The following CLEC17A variants were observed in gnomAD, a reference collection of about 807,000 sequenced individuals.
CLEC17A encodes the protein C-type lectin domain containing 17A.
A neutral mutation model predicts 61.3 loss-of-function variants in CLEC17A; 37 were observed. That is an observed-to-expected ratio of 0.60 (90% CI 0.46 to 0.79). CLEC17A has a LOEUF of 0.79. Ranked by LOEUF, CLEC17A falls within the 30% of genes least tolerant of loss-of-function variation. CLEC17A has a pLI of 0.00. For missense variants in CLEC17A, 418 were observed against 464.7 expected, an observed-to-expected ratio of 0.90 and a Z score of 0.92; for synonymous variants, 168 against 164.9, an observed-to-expected ratio of 1.02 and a Z score of -0.14.
intron 10 of CLEC17A, 66 bp downstream of exon 10, chr19:14,597,227 C>T (rs1329914723): frequency 2.0e-5 from 28 of 1,422,564 alleles, no homozygotes; most frequent in Non-Finnish European, 2.2e-5. Context: ...TCAGATCCAA[C>T]TCCAAGATCC....
intron 12 of CLEC17A, among the ~76,000 whole-genome samples, 175 bp downstream of exon 12, chr19:14,600,357 G>A (rs1326448312): frequency 1.3e-5 from 2 of 152,198 alleles, no homozygotes; most frequent in Non-Finnish European, 2.9e-5. Flanking sequence ...AAGAAGACAT[G>A]CTTTGTTTTT....
At chr19:14,604,433 A>G (rs1158118579) in intron 12 of CLEC17A, among the ~76,000 whole-genome samples, 1 of 152,104 alleles carries the variant, frequency 6.6e-6, no homozygotes, top group East Asian at 1.9e-4. Context: ...ATAACGACAG[A>G]AATATTTTCT....
At chr19:14,608,873 C>T (rs1599584602) in intron 13 of CLEC17A, among the ~76,000 whole-genome samples, 2 of 150,430 alleles carry the variant, frequency 1.3e-5, no homozygotes, top group African/African-American at 4.9e-5. Context: ...AATCTTGGCT[C>T]ACTGCAACTT....
At chr19:14,587,438 C>T (rs943247242) in intron 2 of CLEC17A, among the ~76,000 whole-genome samples, 176 bp from the exon 3 acceptor site, 3 of 152,158 alleles carry the variant, frequency 2.0e-5, no homozygotes, top group Non-Finnish European at 2.9e-5. Context: ...TGTATTCTAT[C>T]TCTGGGTGTC....
intron 10 of CLEC17A, among the ~76,000 whole-genome samples, chr19:14,597,412 T>C (rs1020973670): frequency 6.6e-6 from 1 of 152,192 alleles, no homozygotes; most frequent in African/African-American, 2.4e-5. Flanking sequence ...ACACTTGAAA[T>C]GTGGCCAGTC....
intron 13 of CLEC17A, among the ~76,000 whole-genome samples, chr19:14,607,891 G>A (rs1174785578): frequency 2.0e-5 from 3 of 151,692 alleles, no homozygotes; most frequent in Non-Finnish European, 4.4e-5. Flanking sequence ...TTAGTTTTTT[G>A]AGACAGTCTC....
chr19:14,596,801 CAA>C, intron 8 of CLEC17A, 73 bp from the exon 9 acceptor site: 1 of 1,521,464 alleles, frequency 6.6e-7, no homozygotes, highest in Non-Finnish European at 8.9e-7. Context: ...TGCTCTTGGA[CAA>C]AGACTTAAGA....
At chr19:14,607,662 G>A (rs938935461) in intron 13 of CLEC17A, among the ~76,000 whole-genome samples, 1 of 151,412 alleles carries the variant, frequency 6.6e-6, no homozygotes, top group African/African-American at 2.4e-5. Flanking sequence ...TGTAATCTCT[G>A]TCTCCCAGGT....
chr19:14,593,984 C>A (rs575299144), intron 4 of CLEC17A, among the ~76,000 whole-genome samples: 34 of 133,228 alleles, frequency 2.6e-4, no homozygotes, highest in Middle Eastern at 3.9e-3. Context: ...AACAAACAAA[C>A]AAACAAACAA....
rs111705884 is a variant in CLEC17A, at chr19:14,607,482, C to T, written c.1004+380C>T. Among the ~76,000 whole-genome samples the T allele has an allele frequency of 6.8e-3, 1,031 of 150,918 alleles. 16 individuals are homozygous for T. The highest frequency in any genetic ancestry group is 0.024 in the African/African-American group (989 of 41,242). ...CCTCCCAAAGTGCTGGGATTACAGGCGTGAGCCACCGCGCCCGGCCAGGAG... is the reference window on the plus strand; with the variant it reads ...CCTCCCAAAGTGCTGGGATTACAGGTGTGAGCCACCGCGCCCGGCCAGGAG... On this transcript the variant is annotated intron_variant, in intron 13 of 13. Transcript: ENST00000417570.
intron 13 of CLEC17A, among the ~76,000 whole-genome samples, chr19:14,609,128 A>C (rs1192814914): frequency 6.6e-6 from 1 of 152,094 alleles, no homozygotes; most frequent in East Asian, 1.9e-4. Flanking sequence ...GCTCACAGGA[A>C]TGCTTTTTCC....
chr19:14,588,030 C>A (rs1568446793), intron 3 of CLEC17A, among the ~76,000 whole-genome samples: 2 of 152,072 alleles, frequency 1.3e-5, no homozygotes, highest in Non-Finnish European at 2.9e-5. Context: ...CTGTTAGGTG[C>A]AAAGTCCCTG....
chr19:14,590,419 ACT>A (rs1272227818), intron 3 of CLEC17A, among the ~76,000 whole-genome samples: 5 of 141,398 alleles, frequency 3.5e-5, no homozygotes, highest in Admixed American at 2.9e-4. Context: ...ACGGAGTTTC[ACT>A]CTTGCTGCCC....
intron 4 of CLEC17A, among the ~76,000 whole-genome samples, chr19:14,593,201 T>A (rs1437608919): frequency 1.3e-5 from 2 of 152,070 alleles, no homozygotes; most frequent in East Asian, 1.9e-4. Context: ...TTTGGGCTGG[T>A]TGCAGTGGTG....
At chr19:14,606,944 T>G in intron 12 of CLEC17A, 49 bp from the exon 13 acceptor site, 11 of 1,038,114 alleles carry the variant, frequency 1.1e-5, no homozygotes, top group Non-Finnish European at 1.4e-5. Context: ...GTCCTCACCC[T>G]GAGGGTCATG....
intron 12 of CLEC17A, among the ~76,000 whole-genome samples, chr19:14,602,071 C>G (rs1016396990): frequency 6.6e-6 from 1 of 152,136 alleles, no homozygotes; most frequent in Non-Finnish European, 1.5e-5. Flanking sequence ...GGATTACAGG[C>G]ATGAGCCACC....
intron 10 of CLEC17A, among the ~76,000 whole-genome samples, chr19:14,598,703 G>A (rs1317099570): frequency 6.6e-6 from 1 of 152,066 alleles, no homozygotes; most frequent in Non-Finnish European, 1.5e-5. Flanking sequence ...TCGAACTCCT[G>A]ACCTCAGGTG....
intron 13 of CLEC17A, among the ~76,000 whole-genome samples, chr19:14,608,070 G>T (rs902827096): frequency 3.3e-5 from 5 of 150,892 alleles, no homozygotes; most frequent in African/African-American, 9.9e-5. Context: ...TGGGGTTTTA[G>T]TGTGTTGCCC....
chr19:14,611,051 T>C lies in CLEC17A; in HGVS notation c.*855T>C, dbSNP rs575628520. 3.3e-5 allele frequency: 5 copies of C among 151,860 alleles called. No homozygotes were observed. The East Asian group carries it at 9.7e-4, about 29-fold the overall frequency. 9.4% of individuals were successfully genotyped at this position (151,860 alleles called of 1,614,324 possible). On this transcript the variant is annotated 3_prime_UTR_variant, in exon 14 of 14. Transcript: ENST00000417570. ...CTTTGAAAGTGGTGACAGAAAAATTTCCCTTTGAGCTAGACCTCTAGATCT... is the reference window on the plus strand; with the variant it reads ...CTTTGAAAGTGGTGACAGAAAAATTCCCCTTTGAGCTAGACCTCTAGATCT...
Sources: gnomAD v4.1 joint callset for allele counts (sites outside exome capture counted in the v4.1 genomes callset) on GRCh38, gnomAD v4.1.1 for gene constraint, MANE v1.5 for transcripts, NCBI Gene and HGNC (gene_info 2026-07-23, HGNC 2026-07-21) for gene names.